UNC79: variants seen among roughly 807,000 people sequenced by gnomAD.
The protein encoded by UNC79 is unc-79 subunit of NALCN channel complex, also known as protein unc-79 homolog.
In UNC79, 37 loss-of-function variants were observed where a neutral mutation model predicts 283.1. That is an observed-to-expected ratio of 0.13 (90% confidence interval 0.10 to 0.17). The LOEUF is 0.17. Ranked by LOEUF, UNC79 falls within the 10% of genes least tolerant of loss-of-function variation. UNC79 has a pLI of 1.00. For missense variants in UNC79, 2,272 were observed against 3,211.1 expected (o/e 0.71, Z 7.07); for synonymous variants, 1,107 against 1,200.2 (o/e 0.92, Z 1.61).
chr14:93,552,417 A>G (rs2061946444), intron 14 of UNC79, among the ~76,000 whole-genome samples: 1 of 152,208 alleles, frequency 6.6e-6, no homozygotes, highest in African/African-American at 2.4e-5. Context: ...GCCTTAGGAA[A>G]AAGGTAGTAG....
chr14:93,644,253 G>A (rs2140240050), intron 34 of UNC79, among the ~76,000 whole-genome samples: 1 of 152,302 alleles, frequency 6.6e-6, no homozygotes, highest in African/African-American at 2.4e-5. Flanking sequence ...TAGCTGCTTT[G>A]AGGGTGTTCA....
intron 1 of UNC79, chr14:93,347,504 C>T: frequency 8.0e-7 from 1 of 1,252,166 alleles, no homozygotes; most frequent in Non-Finnish European, 1.0e-6. Context: ...GCGTGGGAGG[C>T]TCTTGTGGCT....
In UNC79 at chr14:93,622,424, G is replaced by A. The variant is rs752803526; in HGVS notation, c.5191G>A (p.Glu1731Lys). 11 of 1,614,040 alleles carry A rather than the reference G, an allele frequency of 6.8e-6. No homozygotes were observed. Among genetic ancestry groups the A allele is most frequent in the Admixed American group, 6.7e-5 (4 of 60,000 alleles). The change falls in exon 30 of 49, where the codon GAG (glutamate) becomes AAG (lysine). Residue 1731 changes from glutamate to lysine, a missense_variant. Glu to Lys is a moderately conservative substitution (Grantham distance 56, BLOSUM62 1). Coordinates refer to ENST00000555664, the Ensembl canonical transcript of UNC79. The stretch of plus-strand genomic sequence containing the variant: ...CGCCGAAGGATCCTCAAAGCCAGAG[G>A]AGCTGCCAGAGTTCTCCTGCGGTAG...
intron 23 of UNC79, among the ~76,000 whole-genome samples, chr14:93,595,696 C>T (rs1467017464): frequency 6.6e-6 from 1 of 152,156 alleles, no homozygotes; most frequent in African/African-American, 2.4e-5. Flanking sequence ...TTCTAGGTCC[C>T]CCCTGTGGAG....
intron 26 of UNC79, among the ~76,000 whole-genome samples, chr14:93,610,990 T>C (rs2402317): frequency 0.71 from 108,218 of 152,114 alleles, 38,811 homozygotes; most frequent in African/African-American, 0.75. Flanking sequence ...TACATAGGTA[T>C]TGTATTTGGT....
At chr14:93,515,415 T>G (rs958784480) in intron 7 of UNC79, among the ~76,000 whole-genome samples, 5 of 152,132 alleles carry the variant, frequency 3.3e-5, no homozygotes, top group Admixed American at 2.0e-4. Context: ...GATTCTCTTG[T>G]CTGTTGTTTC....
intron 1 of UNC79, among the ~76,000 whole-genome samples, chr14:93,391,466 A>C (rs547967149): frequency 5.3e-4 from 80 of 152,126 alleles, no homozygotes; most frequent in African/African-American, 1.9e-3. Flanking sequence ...TGTATAGAAA[A>C]TGGTTGACAA....
intron 1 of UNC79, chr14:93,347,926 G>T: frequency 1.4e-6 from 1 of 706,232 alleles, no homozygotes; most frequent in Admixed American, 2.1e-5. Flanking sequence ...CTAGGACAAC[G>T]GTCTAGGTGC....
chr14:93,567,203 T>G (rs1166171409), intron 14 of UNC79, among the ~76,000 whole-genome samples: 2 of 152,120 alleles, frequency 1.3e-5, no homozygotes, highest in East Asian at 3.9e-4. Context: ...AATCCAGCTA[T>G]TTCTGTACTC....
intron 1 of UNC79, among the ~76,000 whole-genome samples, chr14:93,374,154 G>C (rs1003680560): frequency 6.6e-6 from 1 of 152,148 alleles, no homozygotes; most frequent in Non-Finnish European, 1.5e-5. Context: ...GTTCCCACCA[G>C]GGTAATGCCT....
chr14:93,378,994 G>T (rs910253899), intron 1 of UNC79, among the ~76,000 whole-genome samples: 1 of 152,188 alleles, frequency 6.6e-6, no homozygotes, highest in Non-Finnish European at 1.5e-5. Context: ...TTTAGACAGA[G>T]CTGGCACTAT....
At chr14:93,608,975 T>C (rs1201282793) in intron 26 of UNC79, among the ~76,000 whole-genome samples, 1 of 152,222 alleles carries the variant, frequency 6.6e-6, no homozygotes, top group African/African-American at 2.4e-5. Context: ...TATTGGAGTA[T>C]TAAGGCAAAT....
intron 42 of UNC79, among the ~76,000 whole-genome samples, chr14:93,685,944 C>T (rs1335714226): frequency 6.6e-6 from 1 of 152,114 alleles, no homozygotes; most frequent in Non-Finnish European, 1.5e-5. Flanking sequence ...ATGACCATTT[C>T]GTTTCTTTCT....
intron 31 of UNC79, chr14:93,634,559 C>G (rs867228642): frequency 6.2e-7 from 1 of 1,614,172 alleles, no homozygotes; most frequent in East Asian, 2.2e-5. Flanking sequence ...CCTGGGAGTT[C>G]TGACAATGAG....
At chr14:93,489,551 T>C (rs2058622132) in intron 5 of UNC79, among the ~76,000 whole-genome samples, 1 of 152,162 alleles carries the variant, frequency 6.6e-6, no homozygotes, top group Admixed American at 6.5e-5. Flanking sequence ...AGAAAAAAGG[T>C]GTAACAGGTT....
intron 7 of UNC79, among the ~76,000 whole-genome samples, chr14:93,505,074 T>G (rs1191544440): frequency 6.6e-6 from 1 of 152,098 alleles, no homozygotes; most frequent in Non-Finnish European, 1.5e-5. Flanking sequence ...TTTTTGTAAA[T>G]GTTCCTGTGT....
chr14:93,465,669 G>C (rs1302324964), intron 1 of UNC79, among the ~76,000 whole-genome samples: 1 of 152,180 alleles, frequency 6.6e-6, no homozygotes, highest in Non-Finnish European at 1.5e-5. Context: ...TGGTTTTATA[G>C]CTCTTGAATT....
At chr14:93,641,212 G>A (rs1416662134) in exon 33 of UNC79, 34 of 1,613,480 alleles carry the variant, frequency 2.1e-5, no homozygotes, top group Non-Finnish European at 2.6e-5. Context: ...CACCTGAAGA[G>A]TTCACTGACG....
At chr14:93,509,621 C>T (rs557334631) in intron 7 of UNC79, among the ~76,000 whole-genome samples, 1 of 152,282 alleles carries the variant, frequency 6.6e-6, no homozygotes, top group South Asian at 2.1e-4. Flanking sequence ...TTTTAAAGCT[C>T]CAAAATAATC....
Sources: allele counts gnomAD v4.1 joint callset (sites outside exome capture counted in the v4.1 genomes callset), GRCh38; gene constraint gnomAD v4.1.1; transcripts MANE v1.5; gene names NCBI Gene and HGNC (gene_info 2026-07-23, HGNC 2026-07-21).